TRAPPC4: variants seen among roughly 807,000 people sequenced by gnomAD.
TRAPPC4 encodes the protein TRS23 homolog.
TRAPPC4 carries 30 observed loss-of-function variants against 23.5 expected under a neutral mutation model. The ratio of observed to expected loss-of-function variants is 1.28; its 90% CI spans 0.96 to 1.73. The LOEUF is 1.73. TRAPPC4 is among the 40% of genes most tolerant of loss of function. TRAPPC4 has a pLI of 0.00. For missense variants in TRAPPC4, 252 were observed against 268.9 expected (o/e 0.94, Z 0.44); for synonymous variants, 129 against 105.3 (o/e 1.23, Z -1.38).
intron 4 of TRAPPC4, among the ~76,000 whole-genome samples, chr11:119,022,506 T>C (rs1170774021): frequency 1.3e-5 from 2 of 152,212 alleles, no homozygotes; most frequent in East Asian, 1.9e-4. Flanking sequence ...GAGGATTGCT[T>C]AAACCTGGAA....
intron 3 of TRAPPC4, 78 bp from the exon 4 acceptor site, chr11:119,021,682 A>G: frequency 6.6e-7 from 1 of 1,516,678 alleles, no homozygotes; most frequent in South Asian, 1.2e-5. Context: ...TGCAAAATTG[A>G]AAGTGCTGTA....
chr11:119,023,372 G>A lies in TRAPPC4; in HGVS notation c.633G>A (p.Lys211=), dbSNP rs1943450895. Residue 211 remains lysine (K), a synonymous_variant, in exon 5 of 5, where the codon AAG becomes AAA. Coordinates refer to ENST00000533632, the MANE Select transcript of TRAPPC4 (RefSeq NM_016146.6). ...NLKLALEVAE[K]AGTFGPGS ...AGCTAGCTCTGGAGGTGGCAGAGAA[G>A]GCTGGAACTTTTGGACCTGGGTCAT... 6.2e-7 allele frequency: 1 copy of A among 1,613,984 alleles called. No homozygotes were observed. The highest frequency in any genetic ancestry group is 1.3e-5 in the African/African-American group (1 of 74,906).
Position 119,018,771 on chromosome 11 carries a change from C to T in TRAPPC4, c.-25C>T, listed in dbSNP as rs1378895916. 1.9e-6 allele frequency: 3 copies of T among 1,608,942 alleles called. No individual in the cohort carries two copies. The highest frequency in any genetic ancestry group is 2.6e-6 in the Non-Finnish European group (3 of 1,175,916). On this transcript the variant is annotated 5_prime_UTR_variant, in exon 1 of 5. Transcript: ENST00000533632. ...GGGGCCGTCGGGTAGAGGCTGAATA[C>T]CAGTTTCCGAGCGGCAAGGCAGCGA...
intron 3 of TRAPPC4, chr11:119,020,617 G>C (rs1344895753): frequency 5.6e-6 from 1 of 177,052 alleles, no homozygotes; most frequent in South Asian, 1.0e-4. Context: ...TGGTCATGGT[G>C]GTCTCAAACT....
rs782538927 is a variant in TRAPPC4 at position 119,023,430 on chromosome 11, A to G, written c.*31A>G. The G allele has an allele frequency of 3.7e-6, 6 of 1,605,770 alleles. No homozygotes were observed. The highest frequency in any genetic ancestry group is 1.3e-5 in the African/African-American group (1 of 74,846). On this transcript the variant is annotated 3_prime_UTR_variant, in exon 5 of 5. Transcript: ENST00000533632. ...ACCTGTTATGGACCCCCAAATTCTG[A>G]GAGTTCCTGCAACAAGAATACTGCT...
chr11:119,019,762 T>A, intron 2 of TRAPPC4: 1 of 196,392 alleles, frequency 5.1e-6, no homozygotes, highest in Non-Finnish European at 1.1e-5. Context: ...TTACTTAAAG[T>A]CAACTTCTCT....
chr11:119,022,603 A>G (rs1420468410), intron 4 of TRAPPC4, among the ~76,000 whole-genome samples: 1 of 151,722 alleles, frequency 6.6e-6, no homozygotes, highest in Non-Finnish European at 1.5e-5. Context: ...AAATAAGACA[A>G]CAGTAGCTGG....
rs782246287 is a variant in TRAPPC4 at position 119,019,159 on chromosome 11, G to A, written c.192G>A (p.Leu64=). The change falls in exon 2 of 5, where the codon CTG becomes CTA. Residue 64 remains leucine, a synonymous_variant. Coordinates refer to ENST00000533632, the MANE Select transcript of TRAPPC4 (RefSeq NM_016146.6). ...RDGIRVGHAV[L]AINGMDVNGR... is the part of the protein sequence containing the mutation. ...CCTCTGCAGTGGGTCATGCAGTGCT[G>A]GCCATCAATGGCATGGACGTGAATG... The A allele has an allele frequency of 5.0e-6, 8 of 1,614,172 alleles. No individual in the cohort carries two copies. The South Asian group carries it at 6.6e-5, about 13-fold the overall frequency.
chr11:119,021,767 G>A lies in TRAPPC4; in HGVS notation c.462G>A (p.Lys154=), dbSNP rs1943364319. 3.7e-6 allele frequency: 6 copies of A among 1,614,012 alleles called. No individual in the cohort carries two copies. The African/African-American group carries it at 5.3e-5, about 14-fold the overall frequency. The change falls in exon 4 of 5, where the codon AAG becomes AAA. Residue 154 remains lysine (K), a synonymous_variant. Transcript: ENST00000533632. ...TTCTTGGTCTCTCTCCAGGGATCAA[G>A]TTTGTGGTTCTAGCAGATCCTAGGC... ...LHCYQTLTGI[K]FVVLADPRQA... is the part of the protein sequence containing the mutation.
At chr11:119,021,639 G>T (rs1163187957) in intron 3 of TRAPPC4, 121 bp from the exon 4 acceptor site, 9 of 1,095,298 alleles carry the variant, frequency 8.2e-6, no homozygotes, top group Middle Eastern at 2.9e-4. Flanking sequence ...GTGGTAAAAA[G>T]AATAAAATTA....
intron 2 of TRAPPC4, 74 bp downstream of exon 2, chr11:119,019,391 T>C (rs942621192): frequency 4.2e-5 from 63 of 1,486,382 alleles, no homozygotes; most frequent in Middle Eastern, 2.1e-4. Context: ...TCTGGTGTTA[T>C]GAAAAACGCA....
intron 3 of TRAPPC4, chr11:119,020,744 C>T (rs1171331728): frequency 1.3e-5 from 2 of 150,196 alleles, no homozygotes; most frequent in Admixed American, 1.3e-4. Flanking sequence ...TTCACTCTGC[C>T]ACTCAGGCTG....
At chr11:119,020,865 C>G (rs930974125) in intron 3 of TRAPPC4, 1 of 152,136 alleles carries the variant, frequency 6.6e-6, no homozygotes, top group Non-Finnish European at 1.5e-5. Context: ...GCCACCACAC[C>G]CAGCTAATTT....
In TRAPPC4 at chr11:119,018,931, C is replaced by T. The variant is rs1215449639; in HGVS notation, c.136C>T (p.Arg46Cys). Reference protein sequence around the residue: ...LDLLLKLHDERVLVAFGQRDG... With the variant: ...LDLLLKLHDECVLVAFGQRDG... ...TCTGCTGCTCAAGCTACACGATGAG[C>T]GTGTGTTGGTTGCTTTCGGCCAGCG... Residue 46 changes from arginine (R) to cysteine (C), a missense_variant, in exon 1 of 5, where the codon CGT becomes TGT. Around this residue, in one of 3 missense-constraint regions of TRAPPC4, gnomAD observed 222 missense variants for 217.8 expected, o/e 1.02. Transcript: ENST00000533632. 3.1e-6 allele frequency: 5 copies of T among 1,613,518 alleles called. No individual in the cohort carries two copies. Among genetic ancestry groups the T allele is most frequent in the Non-Finnish European group, 4.2e-6 (5 of 1,180,014 alleles).
chr11:119,020,573 TTC>T, intron 3 of TRAPPC4: 1 of 238,616 alleles, frequency 4.2e-6, no homozygotes, highest in Non-Finnish European at 8.4e-6. Flanking sequence ...CGGCTAATTT[TTC>T]TGTTTTTATT....
chr11:119,023,299 C>T, intron 4 of TRAPPC4, 22 bp from the exon 5 acceptor site: 1 of 1,611,192 alleles, frequency 6.2e-7, no homozygotes, highest in Non-Finnish European at 8.5e-7. Context: ...CACTTTTTTT[C>T]CTCACCCTGG....
rs782642194 is a variant in TRAPPC4 at position 119,020,134 on chromosome 11, C to T, written c.351-16C>T. 2.5e-6 allele frequency: 4 copies of T among 1,603,196 alleles called. No individual in the cohort carries two copies. The highest frequency in any genetic ancestry group is 2.2e-5 in the East Asian group (1 of 44,676). On this transcript the variant is annotated splice_polypyrimidine_tract_variant and intron_variant, in intron 2 of 4. Coordinates refer to ENST00000533632, the MANE Select transcript of TRAPPC4 (RefSeq NM_016146.6). ...GCACTCCTTCCTTAGAGCAACTTTG[C>T]CTCCTTTGCATATAGGCTCTTTGCC...
chr11:119,019,687 T>G (rs112998705), intron 2 of TRAPPC4: 17,450 of 214,964 alleles, frequency 0.081, 1,025 homozygotes, highest in South Asian at 0.21. Flanking sequence ...GTGATCCACC[T>G]GCCTCGGCTT....
intron 4 of TRAPPC4, among the ~76,000 whole-genome samples, chr11:119,022,249 G>A (rs1943381240): frequency 6.6e-6 from 1 of 152,158 alleles, no homozygotes; most frequent in Non-Finnish European, 1.5e-5. Context: ...CTCCCACAGT[G>A]CTGGGATTAC....
Sources: gnomAD v4.1 joint callset for allele counts (sites outside exome capture counted in the v4.1 genomes callset) on GRCh38, gnomAD v4.1.1 for gene constraint, gnomAD v4.1.1 regional missense constraint, MANE v1.5 for transcripts, NCBI Gene and HGNC (gene_info 2026-07-23, HGNC 2026-07-21) for gene names.